Variants in SLC35D4 observed in about 807,000 individuals in gnomAD.
SLC35D4 encodes solute carrier family 35 member D4, also known as UDP-N-acetylglucosamine transporter SLC35D4.
the SLC35D4 span, among the ~76,000 whole-genome samples, chr18:23,346,570 A>G: frequency 6.6e-6 from 1 of 151,710 alleles, no homozygotes; most frequent in African/African-American, 2.4e-5. Flanking sequence ...ACTCCATTCC[A>G]ATGTTCAATA....
the SLC35D4 span, among the ~76,000 whole-genome samples, chr18:23,334,027 T>TA: frequency 6.6e-6 from 1 of 152,200 alleles, no homozygotes; most frequent in Non-Finnish European, 1.5e-5. Flanking sequence ...CACAGGCTGA[T>TA]AGAGCAGGTG....
At chr18:23,255,037 A>G in the SLC35D4 span, among the ~76,000 whole-genome samples, 1 of 152,156 alleles carries the variant, frequency 6.6e-6, no homozygotes, top group Non-Finnish European at 1.5e-5. Flanking sequence ...GCTAGTTTGA[A>G]TAGTTTTGAT....
At chr18:23,392,355 G>A in the SLC35D4 span, among the ~76,000 whole-genome samples, 1 of 152,164 alleles carries the variant, frequency 6.6e-6, no homozygotes, top group Admixed American at 6.5e-5. Context: ...ATCTGAATAT[G>A]CATATGTGCA....
At chr18:23,408,057 C>T in the SLC35D4 span, among the ~76,000 whole-genome samples, 1 of 152,012 alleles carries the variant, frequency 6.6e-6, no homozygotes, top group Non-Finnish European at 1.5e-5. Flanking sequence ...GCCTGTTCTC[C>T]CACAGAATCA....
At chr18:23,261,265 G>C in the SLC35D4 span, among the ~76,000 whole-genome samples, 1 of 152,188 alleles carries the variant, frequency 6.6e-6, no homozygotes, top group Non-Finnish European at 1.5e-5. Flanking sequence ...GGAGTTCAAG[G>C]CTGCAGTGAG....
At chr18:23,362,669 C>A in the SLC35D4 span, among the ~76,000 whole-genome samples, 2 of 152,162 alleles carry the variant, frequency 1.3e-5, no homozygotes, top group Admixed American at 1.3e-4. Context: ...ACTGAAAGAG[C>A]AGCAGCATTT....
At chr18:23,362,844 TG>T in the SLC35D4 span, among the ~76,000 whole-genome samples, 2 of 152,208 alleles carry the variant, frequency 1.3e-5, no homozygotes, top group Admixed American at 6.5e-5. Flanking sequence ...TGGTGGCACC[TG>T]GGATAATCAC....
the SLC35D4 span, among the ~76,000 whole-genome samples, chr18:23,246,187 C>A: frequency 0.2 from 30,080 of 151,386 alleles, 3,756 homozygotes; most frequent in Middle Eastern, 0.29. Context: ...TCGCTTGAAC[C>A]TGGGAGGCAG....
the SLC35D4 span, chr18:23,352,279 C>T: frequency 1.2e-6 from 2 of 1,605,876 alleles, no homozygotes; most frequent in Non-Finnish European, 1.7e-6. Context: ...AGAAAGAATC[C>T]CAAAAATCCA....
chr18:23,262,584 G>T, the SLC35D4 span, among the ~76,000 whole-genome samples: 1 of 152,246 alleles, frequency 6.6e-6, no homozygotes, highest in Non-Finnish European at 1.5e-5. Context: ...GTCGGGCAGA[G>T]CCTGCTGGGG....
chr18:23,270,975 G>C, the SLC35D4 span, among the ~76,000 whole-genome samples: 1 of 152,216 alleles, frequency 6.6e-6, no homozygotes, highest in African/African-American at 2.4e-5. Context: ...GTGAGGACAT[G>C]AGATTTGGGA....
chr18:23,434,623 T>A, the SLC35D4 span, among the ~76,000 whole-genome samples: 1 of 151,910 alleles, frequency 6.6e-6, no homozygotes, highest in Non-Finnish European at 1.5e-5. Flanking sequence ...AAACTTCGTC[T>A]CTATTAAAAA....
At chr18:23,302,087 G>A in the SLC35D4 span, among the ~76,000 whole-genome samples, 13 of 152,220 alleles carry the variant, frequency 8.5e-5, no homozygotes, top group East Asian at 3.9e-4. Flanking sequence ...GAGATGCAAA[G>A]GTGAATGAAA....
the SLC35D4 span, chr18:23,384,902 C>T: frequency 5.1e-6 from 6 of 1,168,620 alleles, no homozygotes; most frequent in African/African-American, 6.1e-5. Context: ...CAGGAAGAGG[C>T]AGACACTAAT....
At chr18:23,384,193 G>C in the SLC35D4 span, among the ~76,000 whole-genome samples, 2 of 151,982 alleles carry the variant, frequency 1.3e-5, no homozygotes, top group Non-Finnish European at 2.9e-5. Context: ...CAGGAGGCTG[G>C]GCCAGAAAGA....
At chr18:23,284,102 G>A in the SLC35D4 span, among the ~76,000 whole-genome samples, 17 of 152,254 alleles carry the variant, frequency 1.1e-4, no homozygotes, top group Middle Eastern at 3.4e-3. Context: ...AGAGTATAAC[G>A]AGCAGTGAGG....
chr18:23,407,201 T>A, the SLC35D4 span, among the ~76,000 whole-genome samples: 2 of 152,182 alleles, frequency 1.3e-5, no homozygotes, highest in Non-Finnish European at 2.9e-5. Context: ...CAAATGGGGA[T>A]AATAATGCTC....
At chr18:23,282,373 A>C in the SLC35D4 span, among the ~76,000 whole-genome samples, 1 of 152,166 alleles carries the variant, frequency 6.6e-6, no homozygotes, top group Non-Finnish European at 1.5e-5. Flanking sequence ...TGTTTTACTA[A>C]CGGTAAACCA....
the SLC35D4 span, among the ~76,000 whole-genome samples, chr18:23,369,297 T>A: frequency 6.6e-6 from 1 of 152,210 alleles, no homozygotes; most frequent in African/African-American, 2.4e-5. Flanking sequence ...CAGGAGTCAT[T>A]CCCTTCAGAC....
Sources: allele counts gnomAD v4.1 joint callset (sites outside exome capture counted in the v4.1 genomes callset), GRCh38; gene constraint gnomAD v4.1.1; transcripts MANE v1.5; gene names NCBI Gene and HGNC (gene_info 2026-07-23, HGNC 2026-07-21).